TMEM132B: variants seen among roughly 807,000 people sequenced by gnomAD.
TMEM132B encodes transmembrane protein 132B.
In TMEM132B, 18 loss-of-function variants were observed where a neutral mutation model predicts 90.8. The observed-to-expected ratio is 0.20, with a 90% CI of 0.14 to 0.29. TMEM132B has a LOEUF of 0.29. TMEM132B is among the 10% of genes least tolerant of loss of function. TMEM132B has a pLI of 1.00. For missense variants in TMEM132B, 1,096 were observed against 1,326.8 expected, an observed-to-expected ratio of 0.83 and a Z score of 2.70; for synonymous variants, 504 against 523.3, an observed-to-expected ratio of 0.96 and a Z score of 0.50.
rs528126317 is a variant in TMEM132B, at chr12:125,492,776, G to A, written c.1107-26663G>A. On this transcript the variant is annotated intron_variant, in intron 3 of 8. Coordinates refer to ENST00000682704, the MANE Select transcript of TMEM132B (RefSeq NM_001366854.1). This position sits in a 1 kb window ranked among gnomAD's most constrained non-coding sequence, Gnocchi z 5.8. ...TCCACTCAGCCACTCAGCCACGCCC[G>A]CAGATCTCACTTGGCTCCAAAATGG... Among the ~76,000 whole-genome samples, 35 of 152,266 alleles carry A rather than the reference G, an allele frequency of 2.3e-4. No homozygotes were observed. The highest frequency in any genetic ancestry group is 2.0e-3 in the Admixed American group (30 of 15,296).
At chr12:125,355,717 A>T (rs1387156354) in intron 2 of TMEM132B, among the ~76,000 whole-genome samples, 1 of 152,218 alleles carries the variant, frequency 6.6e-6, no homozygotes, top group East Asian at 1.9e-4. Context: ...GACACATTTC[A>T]TTCTGGCTTA....
intron 1 of TMEM132B, among the ~76,000 whole-genome samples, chr12:125,262,350 G>A (rs1337599942): frequency 6.6e-6 from 1 of 151,416 alleles, no homozygotes; most frequent in Non-Finnish European, 1.5e-5. Context: ...CAACAGATAT[G>A]TTTTGTTTTG....
At chr12:125,608,992 T>TA (rs1251199194) in intron 5 of TMEM132B, among the ~76,000 whole-genome samples, 1 of 152,198 alleles carries the variant, frequency 6.6e-6, no homozygotes, top group African/African-American at 2.4e-5. Flanking sequence ...TCAGGCAACT[T>TA]ACAATCATGG....
At chr12:125,524,642 A>G (rs1422010045) in intron 4 of TMEM132B, among the ~76,000 whole-genome samples, 1 of 152,274 alleles carries the variant, frequency 6.6e-6, no homozygotes, top group South Asian at 2.1e-4. Context: ...CATGCACTCA[A>G]TAATGTTGAG....
chr12:125,573,013 T>G (rs1488617008), intron 4 of TMEM132B, among the ~76,000 whole-genome samples: 1 of 152,176 alleles, frequency 6.6e-6, no homozygotes, highest in Non-Finnish European at 1.5e-5. Context: ...TTTGAGCACT[T>G]TGTTACTTTC....
intron 3 of TMEM132B, among the ~76,000 whole-genome samples, chr12:125,428,334 T>C (rs772590241): frequency 9.9e-5 from 15 of 152,180 alleles, no homozygotes; most frequent in Admixed American, 1.3e-4. Context: ...TGGTATTTTT[T>C]AGAAACCCGG....
chr12:125,577,691 C>G (rs1884970799), intron 4 of TMEM132B, among the ~76,000 whole-genome samples: 6 of 151,514 alleles, frequency 4.0e-5, no homozygotes, highest in Admixed American at 3.9e-4. Flanking sequence ...AGGTAGAAGG[C>G]TAGGTTATTA....
At chr12:125,581,124 T>G (rs1242359652) in intron 4 of TMEM132B, among the ~76,000 whole-genome samples, 2 of 152,202 alleles carry the variant, frequency 1.3e-5, no homozygotes, top group African/African-American at 4.8e-5. Context: ...TTTGCATCAG[T>G]TATGATTTAT....
At chr12:125,521,381 A>T (rs902552720) in intron 4 of TMEM132B, among the ~76,000 whole-genome samples, 1 of 152,116 alleles carries the variant, frequency 6.6e-6, no homozygotes, top group Admixed American at 6.6e-5. Context: ...TTAATGCTGG[A>T]CTGCCCCTGC....
intron 3 of TMEM132B, among the ~76,000 whole-genome samples, chr12:125,500,896 C>T (rs937947062): frequency 2.0e-5 from 3 of 152,138 alleles, no homozygotes; most frequent in African/African-American, 7.2e-5. Flanking sequence ...TTGTCCCTAT[C>T]TTTGATGTAC....
At chr12:125,300,299 G>A (rs78673678) in intron 1 of TMEM132B, among the ~76,000 whole-genome samples, 4,780 of 152,180 alleles carry the variant, frequency 0.031, 115 homozygotes, top group Middle Eastern at 0.092. Context: ...GCCTCCCGAA[G>A]CATTGGGATT....
At chr12:125,260,197 A>G (rs980743700) in intron 1 of TMEM132B, among the ~76,000 whole-genome samples, 1 of 152,176 alleles carries the variant, frequency 6.6e-6, no homozygotes, top group Non-Finnish European at 1.5e-5. Context: ...GTCAACGTTT[A>G]TGGAGCTTTG....
At chr12:125,195,358 G>A (rs370208993) in intron 1 of TMEM132B, among the ~76,000 whole-genome samples, 1 of 151,204 alleles carries the variant, frequency 6.6e-6, no homozygotes, top group Non-Finnish European at 1.5e-5. Flanking sequence ...TGGAGTGGGC[G>A]AGCAGAGATG....
chr12:125,643,152 G>A (rs1430406073), intron 5 of TMEM132B, among the ~76,000 whole-genome samples: 10 of 152,268 alleles, frequency 6.6e-5, no homozygotes, highest in South Asian at 6.2e-4. Flanking sequence ...ACAAGAATAA[G>A]TCCCAGTTTC....
chr12:125,516,240 T>G (rs1193245709), intron 3 of TMEM132B, among the ~76,000 whole-genome samples: 1 of 152,140 alleles, frequency 6.6e-6, no homozygotes, highest in Non-Finnish European at 1.5e-5. Context: ...AATGAATGTC[T>G]CATGGCTGAA....
At chr12:125,323,952 G>A (rs541801473) in intron 1 of TMEM132B, among the ~76,000 whole-genome samples, 18 of 152,234 alleles carry the variant, frequency 1.2e-4, no homozygotes, top group African/African-American at 4.1e-4. Flanking sequence ...ATAGAAAGAA[G>A]CCAATAAGCC....
intron 3 of TMEM132B, among the ~76,000 whole-genome samples, chr12:125,491,737 C>T (rs922877016): frequency 6.6e-6 from 1 of 152,120 alleles, no homozygotes; most frequent in Non-Finnish European, 1.5e-5. Flanking sequence ...GGCCAACCCA[C>T]TGGCTCGATG....
intron 3 of TMEM132B, among the ~76,000 whole-genome samples, chr12:125,480,740 T>A (rs937449249): frequency 6.6e-6 from 1 of 152,044 alleles, no homozygotes; most frequent in African/African-American, 2.4e-5. Flanking sequence ...AAAGAGGGAA[T>A]CCTCCCTAAC....
At chr12:125,367,811 A>G (rs1593107753) in intron 2 of TMEM132B, among the ~76,000 whole-genome samples, 1 of 152,052 alleles carries the variant, frequency 6.6e-6, no homozygotes, top group African/African-American at 2.4e-5. Flanking sequence ...ATCTCACTCA[A>G]CCATTACCAG....
Sources: gnomAD v4.1 joint callset for allele counts (sites outside exome capture counted in the v4.1 genomes callset) on GRCh38, gnomAD v4.1.1 for gene constraint, Gnocchi (gnomAD v3.1) non-coding constraint, MANE v1.5 for transcripts, NCBI Gene and HGNC (gene_info 2026-07-23, HGNC 2026-07-21) for gene names.